Variants in ADD1 observed in about 807,000 individuals in gnomAD.
The protein encoded by ADD1 is adducin 1, also known as alpha-adducin.
In ADD1, 24 loss-of-function variants were observed where a neutral mutation model predicts 80.5. The ratio of observed to expected loss-of-function variants is 0.30; its 90% CI spans 0.22 to 0.42. The LOEUF (loss-of-function observed/expected upper bound fraction) is 0.42. ADD1 is among the 10% of genes least tolerant of loss of function. The pLI, the probability that ADD1 is intolerant of heterozygous loss-of-function variation, is 1.00. For synonymous variants in ADD1, 373 were observed against 393.8 expected, an observed-to-expected ratio of 0.95 and a Z score of 0.63; for missense variants, 948 against 1,019.0, an observed-to-expected ratio of 0.93 and a Z score of 0.95.
intron 4 of ADD1, among the ~76,000 whole-genome samples, chr4:2,886,358 C>T (rs1733366503): frequency 6.6e-6 from 1 of 152,214 alleles, no homozygotes; most frequent in East Asian, 1.9e-4. Context: ...GCCTCTGGGA[C>T]TTGATATTGG....
chr4:2,904,733 T>C (rs1269202814), intron 9 of ADD1, 31 bp from the exon 10 acceptor site: 3 of 1,578,674 alleles, frequency 1.9e-6, no homozygotes, highest in Non-Finnish European at 2.6e-6. Flanking sequence ...ATCTGGAATA[T>C]TGACTGTCTT....
In ADD1 at chr4:2,926,789, G is replaced by GC. The variant is rs1196405210; in HGVS notation, c.2047+683dup. Reference sequence around the variant, plus strand: ...CTGTTTATTTAAAATAAAAACAGAAGCCCCCCTTTTTTGTACCCAGTCCCT... The same window carrying GC: ...CTGTTTATTTAAAATAAAAACAGAAGCCCCCCCTTTTTTGTACCCAGTCCCT... On this transcript the variant is annotated intron_variant, in intron 15 of 15. Transcript: ENST00000683351. The surrounding 1 kb of genome is among the most constrained non-coding windows in gnomAD (Gnocchi z 5.0). The GC allele has an allele frequency of 3.2e-6, 4 of 1,264,860 alleles. No individual in the cohort carries two copies. The highest frequency in any genetic ancestry group is 2.2e-5 in the Admixed American group (1 of 45,898). 78.4% of individuals were successfully genotyped at this position (1,264,860 alleles called of 1,614,324 possible). A position where few individuals can be genotyped will look rare whatever the true frequency, so the allele number is the denominator to read the frequency against.
chr4:2,899,196 A>G (rs1735759568), intron 8 of ADD1, 63 bp from the exon 9 acceptor site: 10 of 1,497,028 alleles, frequency 6.7e-6, no homozygotes, highest in Admixed American at 2.2e-5. Context: ...TTTTTATTCA[A>G]GTCATCTGAC....
In ADD1 at chr4:2,926,821, C is replaced by A. The variant is rs1711781701; in HGVS notation, c.2047+709C>A. ...TTTTTTGTACCCAGTCCCTTGGAGGCCTTCCTGGAAGTGGTTCAGTCACCT... is the reference window on the plus strand; with the variant it reads ...TTTTTTGTACCCAGTCCCTTGGAGGACTTCCTGGAAGTGGTTCAGTCACCT... On this transcript the variant is annotated intron_variant, in intron 15 of 15. Coordinates refer to ENST00000683351, the MANE Select transcript of ADD1 (RefSeq NM_001354761.2). This position sits in a 1 kb window ranked among gnomAD's most constrained non-coding sequence, Gnocchi z 5.0. 8.6e-6 allele frequency: 8 copies of A among 931,184 alleles called. No homozygotes were observed. The East Asian group carries it at 1.9e-4, about 22-fold the overall frequency. 57.7% of individuals were successfully genotyped at this position (931,184 alleles called of 1,614,324 possible).
chr4:2,917,539 A>C (rs940922535), intron 14 of ADD1, among the ~76,000 whole-genome samples: 1 of 151,910 alleles, frequency 6.6e-6, no homozygotes, highest in African/African-American at 2.4e-5. Flanking sequence ...GTTTAATTAG[A>C]TCCCATTTGT....
intron 1 of ADD1, among the ~76,000 whole-genome samples, chr4:2,846,263 A>G (rs1027645271): frequency 6.6e-6 from 1 of 152,188 alleles, no homozygotes; most frequent in South Asian, 2.1e-4. Flanking sequence ...TTATTTATGG[A>G]TGAAACCTGG....
intron 1 of ADD1, among the ~76,000 whole-genome samples, chr4:2,848,567 T>G (rs756503063): frequency 1.3e-5 from 2 of 152,134 alleles, no homozygotes; most frequent in South Asian, 2.1e-4. Flanking sequence ...CTCCTGGGCT[T>G]AAGCCATTCT....
intron 14 of ADD1, among the ~76,000 whole-genome samples, chr4:2,918,875 G>A (rs1380688840): frequency 1.3e-5 from 2 of 150,514 alleles, no homozygotes; most frequent in African/African-American, 4.9e-5. Context: ...TTCCTGAGAC[G>A]GAGTCTCCCT....
chr4:2,922,277 C>G (rs771167528), intron 14 of ADD1, among the ~76,000 whole-genome samples: 2 of 152,144 alleles, frequency 1.3e-5, no homozygotes, highest in African/African-American at 2.4e-5. Flanking sequence ...GTGGATTTAT[C>G]TACGTTTGGT....
intron 13 of ADD1, among the ~76,000 whole-genome samples, chr4:2,910,365 A>G (rs1230982294): frequency 6.6e-6 from 1 of 151,978 alleles, no homozygotes; most frequent in Non-Finnish European, 1.5e-5. Context: ...CCTGTCTGTA[A>G]TCCCTGCTAA....
At chr4:2,859,923 A>ATT (rs34830388) in intron 1 of ADD1, among the ~76,000 whole-genome samples, 5,564 of 142,196 alleles carry the variant, frequency 0.039, 147 homozygotes, top group Non-Finnish European at 0.061. Context: ...ATATTGCTCC[A>ATT]TTTTTTTTTT....
chr4:2,913,706 G>T (rs569468393), intron 13 of ADD1, among the ~76,000 whole-genome samples: 1 of 151,988 alleles, frequency 6.6e-6, no homozygotes, highest in East Asian at 1.9e-4. Context: ...GGAGCGGTCG[G>T]CCTGTGTGAG....
At chr4:2,855,351 T>A (rs1204254142) in intron 1 of ADD1, among the ~76,000 whole-genome samples, 1 of 152,088 alleles carries the variant, frequency 6.6e-6, no homozygotes, top group African/African-American at 2.4e-5. Flanking sequence ...TTCTTTATCA[T>A]CTTAGGTTTT....
chr4:2,886,736 G>C (rs905687505), intron 4 of ADD1, among the ~76,000 whole-genome samples: 6 of 152,198 alleles, frequency 3.9e-5, no homozygotes, highest in Non-Finnish European at 8.8e-5. Context: ...AGCTCGCTGG[G>C]ACCTTTTGAC....
chr4:2,924,299 C>T (rs867995143), intron 14 of ADD1, among the ~76,000 whole-genome samples: 1 of 152,210 alleles, frequency 6.6e-6, no homozygotes, highest in Non-Finnish European at 1.5e-5. Context: ...TCTCCAAAGC[C>T]TATTCCTTGA....
Position 2,909,466 on chromosome 4 carries a change from C to T in ADD1, c.1791+35C>T, listed in dbSNP as rs181392394. 1,242 of 1,489,292 alleles carry T rather than the reference C, an allele frequency of 8.3e-4. 1 individual carries two copies. The highest frequency in any genetic ancestry group is 1.1e-3 in the Non-Finnish European group (1,155 of 1,091,876). 92.3% of individuals were successfully genotyped at this position (1,489,292 alleles called of 1,614,324 possible). On this transcript the variant is annotated intron_variant, in intron 13 of 15. Coordinates refer to ENST00000683351, the MANE Select transcript of ADD1 (RefSeq NM_001354761.2). ...GCCCTGTCCTCACTACCTGTCTATG[C>T]GCCTTGCTCCCCTCCCCTCCCCCCT...
intron 1 of ADD1, among the ~76,000 whole-genome samples, chr4:2,872,474 A>G (rs1730603051): frequency 6.6e-6 from 1 of 152,178 alleles, no homozygotes; most frequent in South Asian, 2.1e-4. Context: ...TTGCCACTTA[A>G]TATGTTTTAT....
At chr4:2,921,105 G>T (rs779518598) in intron 14 of ADD1, among the ~76,000 whole-genome samples, 1 of 152,118 alleles carries the variant, frequency 6.6e-6, no homozygotes, top group Non-Finnish European at 1.5e-5. Flanking sequence ...AGCTTAGTTT[G>T]GCTGGATATG....
At chr4:2,927,662 C>G (rs1260947506) in intron 15 of ADD1, among the ~76,000 whole-genome samples, 1 of 152,222 alleles carries the variant, frequency 6.6e-6, no homozygotes, top group Non-Finnish European at 1.5e-5. Context: ...AACTTCCAGC[C>G]TAAACGGCTT....
Sources: gnomAD v4.1 joint callset for allele counts (sites outside exome capture counted in the v4.1 genomes callset) on GRCh38, gnomAD v4.1.1 for gene constraint, Gnocchi (gnomAD v3.1) non-coding constraint, MANE v1.5 for transcripts, NCBI Gene and HGNC (gene_info 2026-07-23, HGNC 2026-07-21) for gene names.